Variants in CCND3 observed in about 807,000 individuals in gnomAD.
CCND3 encodes cyclin D3, also known as G1/S-specific cyclin-D3.
A neutral mutation model predicts 28.7 loss-of-function variants in CCND3; 9 were observed. That is an observed-to-expected ratio of 0.31 (90% CI 0.19 to 0.55). CCND3 has a LOEUF of 0.55. Ranked by LOEUF, CCND3 falls within the 20% of genes least tolerant of loss-of-function variation. The pLI is 0.93. For missense variants in CCND3, 315 were observed against 385.8 expected (o/e 0.82, Z 1.54); for synonymous variants, 164 against 163.9 (o/e 1.00, Z 0.00).
At chr6:42,044,304 C>T (rs1764462196) in intron 1 of CCND3, among the ~76,000 whole-genome samples, 1 of 152,200 alleles carries the variant, frequency 6.6e-6, no homozygotes, top group South Asian at 2.1e-4. Flanking sequence ...AGCAGAGGCT[C>T]CCTGAAACCA....
chr6:41,992,608 C>G (rs1762686946), intron 1 of CCND3, among the ~76,000 whole-genome samples: 1 of 151,842 alleles, frequency 6.6e-6, no homozygotes, highest in South Asian at 2.1e-4. Flanking sequence ...GCCACCACGC[C>G]CAGCTAATTT....
chr6:41,943,161 C>T (rs1376770402), upstream of CCND3, among the ~76,000 whole-genome samples: 1 of 151,424 alleles, frequency 6.6e-6, no homozygotes, highest in African/African-American at 2.4e-5. Flanking sequence ...CGTTCCCGGC[C>T]GAATTATTCT....
intron 1 of CCND3, among the ~76,000 whole-genome samples, chr6:42,018,032 C>CTACT (rs1763575009): frequency 6.6e-6 from 1 of 151,634 alleles, no homozygotes; most frequent in East Asian, 2.0e-4. Flanking sequence ...GCCTGTAGTC[C>CTACT]CAGCTACTCA....
chr6:41,960,394 C>T lies in CCND3; in HGVS notation c.-45-19809G>A, dbSNP rs9471698. ...GATAGGTGAATGCTATGGTATGTAA[C>T]TTATAACTCAATAAAACTTTTTTAT... On this transcript the variant is annotated intron_variant, in intron 1 of 4. Transcript: ENST00000372988. Among the ~76,000 whole-genome samples the T allele has an allele frequency of 1.2e-4, 19 of 152,290 alleles. No individual in the cohort carries two copies. The East Asian group carries it at 3.5e-3, about 28-fold the overall frequency.
chr6:42,014,173 G>A (rs1376232029), intron 1 of CCND3, among the ~76,000 whole-genome samples: 1 of 150,754 alleles, frequency 6.6e-6, no homozygotes, highest in Non-Finnish European at 1.5e-5. Context: ...AGACCATCCT[G>A]GCTAACACGG....
intron 1 of CCND3, among the ~76,000 whole-genome samples, chr6:42,011,906 C>T (rs909096576): frequency 1.3e-5 from 2 of 152,146 alleles, no homozygotes; most frequent in Non-Finnish European, 2.9e-5. Flanking sequence ...AGGATCATCT[C>T]GAGGTAAGGT....
intron 1 of CCND3, among the ~76,000 whole-genome samples, chr6:41,993,707 G>A (rs1762720296): frequency 1.3e-5 from 2 of 151,712 alleles, no homozygotes; most frequent in African/African-American, 4.8e-5. Context: ...TCACTATCAC[G>A]AGGTCAGGAG....
At chr6:42,042,753 C>T (rs187205664) in intron 1 of CCND3, among the ~76,000 whole-genome samples, 1 of 152,212 alleles carries the variant, frequency 6.6e-6, no homozygotes, top group African/African-American at 2.4e-5. Context: ...CATGGTCTGC[C>T]GTGAGGATGC....
intron 1 of CCND3, among the ~76,000 whole-genome samples, chr6:41,967,830 C>A (rs1226691236): frequency 6.6e-6 from 1 of 152,188 alleles, no homozygotes; most frequent in African/African-American, 2.4e-5. Context: ...CTCAGACACA[C>A]CCTGGTGGTT....
chr6:41,957,998 A>C (rs1010959588), intron 1 of CCND3, among the ~76,000 whole-genome samples: 1 of 26,236 alleles, frequency 3.8e-5, no homozygotes. Flanking sequence ...CTTTATCTTT[A>C]TCTTTTTTTT....
rs762395134 is a variant in CCND3, at chr6:41,940,393, C to A, written c.391G>T (p.Ala131Ser). 6.2e-7 allele frequency: 1 copy of A among 1,614,008 alleles called. No individual in the cohort carries two copies. The highest frequency in any genetic ancestry group is 8.5e-7 in the Non-Finnish European group (1 of 1,179,968). ...IEKLCIYTDHAVSPRQLRDWE... is the reference protein window; with the variant it reads ...IEKLCIYTDHSVSPRQLRDWE... ...ACCCGCAACTGGCGGGGAGAGACAG[C>A]GTGGTCGGTGTAGATGCACAGTTTT... is the stretch of plus-strand genomic sequence containing the variant. Residue 131 changes from alanine to serine, a missense_variant, in exon 2 of 5, where the codon GCT becomes TCT. Transcript: ENST00000372991.
At chr6:41,969,772 T>C (rs1761984695) in intron 1 of CCND3, among the ~76,000 whole-genome samples, 1 of 151,988 alleles carries the variant, frequency 6.6e-6, no homozygotes, top group South Asian at 2.1e-4. Flanking sequence ...CAAAACAGAA[T>C]TTACCCTGGG....
At chr6:42,038,184 G>A (rs796757435) in intron 1 of CCND3, among the ~76,000 whole-genome samples, 6 of 152,068 alleles carry the variant, frequency 3.9e-5, no homozygotes, top group African/African-American at 1.4e-4. Context: ...CTAGTTCTTG[G>A]TATTCTTTAC....
Position 41,936,190 on chromosome 6 carries a change from C to T in CCND3, c.712-83G>A. 3 of 1,441,166 alleles carry T rather than the reference C, an allele frequency of 2.1e-6. No individual in the cohort carries two copies. Among genetic ancestry groups the T allele is most frequent in the Admixed American group, 4.5e-5 (2 of 44,284 alleles). 89.3% of individuals were successfully genotyped at this position (1,441,166 alleles called of 1,614,324 possible). A position where few individuals can be genotyped will look rare whatever the true frequency, so the allele number is the denominator to read the frequency against. The stretch of plus-strand genomic sequence containing the variant: ...GGTGCAGGGGAAGGACAGCTCCCAA[C>T]ACATGGGGAAGTCTGGGGAGGTTAG... On this transcript the variant is annotated intron_variant, in intron 4 of 4. Coordinates refer to ENST00000372991, the MANE Select transcript of CCND3 (RefSeq NM_001760.5). This position sits in a 1 kb window ranked among gnomAD's most constrained non-coding sequence, Gnocchi z 4.4.
rs1414720101 is a variant in CCND3, at chr6:41,939,515, G to T, written c.414+855C>A. 6.6e-6 allele frequency among the ~76,000 whole-genome samples: 1 copy of T among 152,162 alleles called. No individual in the cohort carries two copies. The highest frequency in any genetic ancestry group is 1.5e-5 in the Non-Finnish European group (1 of 68,028). ...GACAGAACCGGTGACTTTCCTGCCC[G>T]GCCTGAGCCCAGCCCAAGTTTCCAG... On this transcript the variant is annotated intron_variant, in intron 2 of 4. Coordinates refer to ENST00000372991, the MANE Select transcript of CCND3 (RefSeq NM_001760.5). The surrounding 1 kb of genome is among the most constrained non-coding windows in gnomAD (Gnocchi z 4.2).
rs376994122 is a variant in CCND3 at position 41,936,647 on chromosome 6, A to G, written c.623T>C (p.Ile208Thr). The part of the protein sequence containing the change: ...YPPSMIATGS[I>T]GAAVQGLGAC... The stretch of plus-strand genomic sequence containing the variant: ...ACCCAGGCCTTGCACTGCAGCCCCA[A>G]TGCTGCCCGTGGCGATCATGGATGG... The change falls in exon 4 of 5, where the codon ATT becomes ACT. Residue 208 changes from isoleucine (I) to threonine (T), a missense_variant. Ile to Thr is a moderately conservative substitution (Grantham distance 89). Coordinates refer to ENST00000372991, the MANE Select transcript of CCND3 (RefSeq NM_001760.5). This position sits in a 1 kb window ranked among gnomAD's most constrained non-coding sequence, Gnocchi z 4.4. 7.8e-5 allele frequency: 126 copies of G among 1,614,136 alleles called. No homozygotes were observed. In the South Asian group the frequency reaches 1.1e-3, roughly 14 times the overall value.
At chr6:41,987,503 CTCTCTCTCTCTCTCTGTG>C (rs59114337) in intron 1 of CCND3, among the ~76,000 whole-genome samples, 14,211 of 104,274 alleles carry the variant, frequency 0.14, 824 homozygotes, top group East Asian at 0.22. Context: ...CTCTCTCTCT[CTCTCTCTCTCTCTCTGTG>C]TGTGTGTGTG....
At chr6:42,038,618 A>G (rs1383453937) in intron 1 of CCND3, among the ~76,000 whole-genome samples, 2 of 152,144 alleles carry the variant, frequency 1.3e-5, no homozygotes, top group African/African-American at 4.8e-5. Flanking sequence ...TTATAGAAAT[A>G]ACCACTAGTT....
chr6:41,938,009 T>G lies in CCND3; in HGVS notation c.415-615A>C, dbSNP rs1775864985. Among the ~76,000 whole-genome samples, 1 of 152,034 alleles carries G rather than the reference T, an allele frequency of 6.6e-6. No individual in the cohort carries two copies. The highest frequency in any genetic ancestry group is 2.1e-4 in the South Asian group (1 of 4,828). ...CCCTTGGTAGGATATCAGGGATGGG[T>G]CCTGAGGTATAGCACCCCACCCCAC... On this transcript the variant is annotated intron_variant, in intron 2 of 4. Transcript: ENST00000372991. This position sits in a 1 kb window ranked among gnomAD's most constrained non-coding sequence, Gnocchi z 4.6.
Sources: allele counts gnomAD v4.1 joint callset (sites outside exome capture counted in the v4.1 genomes callset), GRCh38; gene constraint gnomAD v4.1.1; non-coding constraint Gnocchi (gnomAD v3.1); transcripts MANE v1.5; gene names NCBI Gene and HGNC (gene_info 2026-07-23, HGNC 2026-07-21).